The following KPNA7 variants were observed in gnomAD, a reference collection of about 807,000 sequenced individuals.
The protein encoded by KPNA7 is karyopherin subunit alpha 7, also known as importin subunit alpha-8.
Under a neutral mutation model 53.7 loss-of-function variants are expected in KPNA7, and 54 were observed. The ratio of observed to expected loss-of-function variants is 1.01; its 90% confidence interval spans 0.81 to 1.26. The LOEUF is 1.26. Among genes scored for constraint, KPNA7 ranks in the 50% most tolerant of loss-of-function variants. KPNA7 has a pLI of 0.00. For missense variants in KPNA7, 640 were observed against 644.5 expected, an observed-to-expected ratio of 0.99 and a Z score of 0.07; for synonymous variants, 276 against 259.3, an observed-to-expected ratio of 1.06 and a Z score of -0.62.
the KPNA7 span, among the ~76,000 whole-genome samples, chr7:99,158,183 C>A: frequency 1.3e-5 from 2 of 152,170 alleles, no homozygotes; most frequent in African/African-American, 4.8e-5. Flanking sequence ...CCACACCCAA[C>A]TGGATCTTTT....
chr7:99,195,077 A>C lies in KPNA7; in HGVS notation c.546T>G (p.Asn182Lys). The C allele has an allele frequency of 8.4e-6, 13 of 1,551,400 alleles. No homozygotes were observed. The highest frequency in any genetic ancestry group is 1.1e-5 in the Non-Finnish European group (13 of 1,146,838). Residue 182 changes from asparagine to lysine, a missense_variant, in exon 5 of 11, where the codon AAT becomes AAG. Physicochemically the swap from Asn to Lys is moderately conservative, Grantham distance 94 (BLOSUM62 0). Coordinates refer to ENST00000327442, the MANE Select transcript of KPNA7 (RefSeq NM_001145715.3). ...CTAAGGGGAGAGTCTCACCGGCTAT[A>C]TTACCAAGAGCCCACACTGCCTGTT... ...VCEQAVWALG[N>K]IAGDGPEFRD...
intron 1 of KPNA7, among the ~76,000 whole-genome samples, chr7:99,216,085 T>G (rs1175308016): frequency 6.6e-6 from 1 of 152,036 alleles, no homozygotes; most frequent in Non-Finnish European, 1.5e-5. Context: ...TGGAGTGCAG[T>G]GGCACAATCA....
At chr7:99,146,601 AC>A in the KPNA7 span, among the ~76,000 whole-genome samples, 1 of 151,606 alleles carries the variant, frequency 6.6e-6, no homozygotes, top group African/African-American at 2.4e-5. Context: ...AGTCCCAGCT[AC>A]TCGGGAGGCT....
chr7:99,153,918 A>G, the KPNA7 span, among the ~76,000 whole-genome samples: 30,326 of 151,868 alleles, frequency 0.2, 3,159 homozygotes, highest in South Asian at 0.33. Context: ...AAGTGTGATC[A>G]TATCACACTA....
At chr7:99,182,095 C>T (rs1437294195) in intron 8 of KPNA7, 30 bp from the exon 9 acceptor site, 2 of 1,485,772 alleles carry the variant, frequency 1.3e-6, no homozygotes, top group Admixed American at 2.2e-5. Flanking sequence ...CCATTCTCTA[C>T]AGATCCTCAA....
chr7:99,193,812 G>C (rs1170369692), intron 5 of KPNA7, among the ~76,000 whole-genome samples: 1 of 151,874 alleles, frequency 6.6e-6, no homozygotes, highest in Non-Finnish European at 1.5e-5. Flanking sequence ...TGAGTAGCTG[G>C]GACTATAGGC....
upstream of KPNA7, among the ~76,000 whole-genome samples, chr7:99,209,822 C>A (rs188316889): frequency 5.0e-4 from 75 of 150,022 alleles, no homozygotes; most frequent in Non-Finnish European, 7.8e-4. Context: ...GCTTGGGCAA[C>A]AAAGCAAGAC....
In KPNA7 at chr7:99,185,131, A is replaced by G. The variant is rs1359144666; in HGVS notation, c.932T>C (p.Val311Ala). The stretch of plus-strand genomic sequence containing the variant: ...CTGCGTCTGCTCATCTGTGCCCGTG[A>G]CAATGTTCCCCACGGTGCGGAGAGA... ...TPSLRTVGNI[V>A]TGTDEQTQMA... Residue 311 changes from valine (V) to alanine (A), a missense_variant, in exon 8 of 11, where the codon GTC (valine) becomes GCC (alanine). Coordinates refer to ENST00000327442, the MANE Select transcript of KPNA7 (RefSeq NM_001145715.3). 6.4e-7 allele frequency: 1 copy of G among 1,551,958 alleles called. No homozygotes were observed. The highest frequency in any genetic ancestry group is 8.7e-7 in the Non-Finnish European group (1 of 1,147,072).
chr7:99,153,547 C>T, the KPNA7 span, among the ~76,000 whole-genome samples: 1 of 125,566 alleles, frequency 8.0e-6, no homozygotes, highest in African/African-American at 3.4e-5. Context: ...GAGACACTGT[C>T]TCAAAAAAAA....
the KPNA7 span, among the ~76,000 whole-genome samples, chr7:99,164,123 C>T: frequency 1.3e-5 from 2 of 150,116 alleles, no homozygotes; most frequent in South Asian, 4.3e-4. Flanking sequence ...TTTGACCCAG[C>T]CATCCCATTA....
Position 99,193,017 on chromosome 7 carries a change from A to G in KPNA7, c.636+2T>C. 5.4e-6 allele frequency: 8 copies of G among 1,494,250 alleles called. No homozygotes were observed. Among genetic ancestry groups the G allele is most frequent in the Non-Finnish European group, 7.1e-6 (8 of 1,123,296 alleles). The allele number at this position is 1,494,250 out of a possible 1,614,324, so 92.6% of individuals were successfully genotyped here. A position where few individuals can be genotyped will look rare whatever the true frequency, so the allele number is the denominator to read the frequency against. On this transcript the variant is annotated splice_donor_variant, in intron 6 of 10. Transcript: ENST00000327442. LOFTEE classifies it high-confidence loss of function. The stretch of plus-strand genomic sequence containing the variant: ...AAAAAAGAGAAAGAAAAAGACACTT[A>G]CCGGCAGGGTGGGTGAAATCAAGGC...
chr7:99,149,871 T>C, the KPNA7 span, among the ~76,000 whole-genome samples: 1 of 151,940 alleles, frequency 6.6e-6, no homozygotes, highest in East Asian at 1.9e-4. Flanking sequence ...ACGTGCAACC[T>C]GCAACCTCCG....
chr7:99,201,184 G>C (rs947866195), intron 3 of KPNA7, among the ~76,000 whole-genome samples: 2 of 152,134 alleles, frequency 1.3e-5, no homozygotes, highest in African/African-American at 4.8e-5. Context: ...AGTGTTTGCA[G>C]AGACGGTGGG....
At chr7:99,186,193 T>C (rs765922726) in intron 7 of KPNA7, among the ~76,000 whole-genome samples, 1 of 152,188 alleles carries the variant, frequency 6.6e-6, no homozygotes, top group African/African-American at 2.4e-5. Context: ...CATTTCCTGG[T>C]GTGATTGGGA....
intron 10 of KPNA7, among the ~76,000 whole-genome samples, chr7:99,175,974 A>G (rs1798883202): frequency 6.6e-6 from 1 of 152,180 alleles, no homozygotes; most frequent in Non-Finnish European, 1.5e-5. Flanking sequence ...TGATCTGGTC[A>G]TGAAATAAAT....
chr7:99,197,704 G>A (rs574613285), intron 3 of KPNA7, among the ~76,000 whole-genome samples: 2 of 152,258 alleles, frequency 1.3e-5, no homozygotes, highest in African/African-American at 2.4e-5. Flanking sequence ...CACTAAAGGG[G>A]CTTAACAGCA....
Position 99,208,088 on chromosome 7 carries a change from C to T in KPNA7, c.-84G>A, listed in dbSNP as rs547039286. Among the ~76,000 whole-genome samples the T allele has an allele frequency of 1.6e-3, 239 of 152,040 alleles. No homozygotes were observed. The highest frequency in any genetic ancestry group is 5.5e-3 in the African/African-American group (230 of 41,496). On this transcript the variant is annotated 5_prime_UTR_variant, in exon 1 of 11. Transcript: ENST00000327442. ...CCATGTCCTATTTCTGCAAGACCTG[C>T]TTGTTGGCATCAGAGTCTCACTCTG...
chr7:99,196,208 T>C, intron 3 of KPNA7, 42 bp from the exon 4 acceptor site: 1 of 1,430,054 alleles, frequency 7.0e-7, no homozygotes, highest in South Asian at 1.2e-5. Context: ...TCTGCCAAAA[T>C]GAGCTGTAAA....
intron 2 of KPNA7, among the ~76,000 whole-genome samples, chr7:99,204,908 A>G (rs1340646502): frequency 1.3e-5 from 2 of 152,142 alleles, no homozygotes; most frequent in Admixed American, 6.6e-5. Flanking sequence ...ATTATATGGC[A>G]AGGTAGGAAC....
Sources: allele counts gnomAD v4.1 joint callset (sites outside exome capture counted in the v4.1 genomes callset), GRCh38; gene constraint gnomAD v4.1.1; transcripts MANE v1.5; gene names NCBI Gene and HGNC (gene_info 2026-07-23, HGNC 2026-07-21).